The following CENPP variants were observed in gnomAD, a reference collection of about 807,000 sequenced individuals.
CENPP encodes the protein centromere protein P.
Under a neutral mutation model 35.6 loss-of-function variants are expected in CENPP, and 24 were observed. The observed-to-expected ratio is 0.67, with a 90% CI of 0.49 to 0.95. CENPP has a LOEUF of 0.95. Ranked by LOEUF, CENPP falls within the 40% of genes least tolerant of loss-of-function variation. CENPP has a pLI of 0.00. For missense variants in CENPP, 332 were observed against 345.3 expected, an observed-to-expected ratio of 0.96 and a Z score of 0.31; for synonymous variants, 120 against 125.5, an observed-to-expected ratio of 0.96 and a Z score of 0.29.
At chr9:92,569,655 A>G (rs960893345) in intron 5 of CENPP, among the ~76,000 whole-genome samples, 2 of 152,200 alleles carry the variant, frequency 1.3e-5, no homozygotes, top group Non-Finnish European at 2.9e-5. Flanking sequence ...CATTGAATCT[A>G]TAAATTACCT....
chr9:92,588,233 TTTTGTTTG>T (rs757833460), intron 5 of CENPP, among the ~76,000 whole-genome samples: 353 of 151,694 alleles, frequency 2.3e-3, no homozygotes, highest in Non-Finnish European at 2.8e-3. Flanking sequence ...GCTGTGAGTT[TTTTGTTTG>T]TTTGTTTGTT....
At chr9:92,359,520 T>TA (rs1338603196) in intron 4 of CENPP, among the ~76,000 whole-genome samples, 1 of 152,188 alleles carries the variant, frequency 6.6e-6, no homozygotes, top group East Asian at 1.9e-4. Flanking sequence ...TGCAATCTCT[T>TA]ACAGAATCTC....
chr9:92,525,513 C>T (rs1414173798), intron 5 of CENPP, among the ~76,000 whole-genome samples: 1 of 152,150 alleles, frequency 6.6e-6, no homozygotes, highest in South Asian at 2.1e-4. Context: ...CTAGAGACGT[C>T]ACAGCATCAT....
chr9:92,421,832 AG>A (rs1425410080), intron 5 of CENPP, among the ~76,000 whole-genome samples: 2 of 152,120 alleles, frequency 1.3e-5, no homozygotes, highest in African/African-American at 4.8e-5. Context: ...TCTAAGGCAG[AG>A]GGTAATATCC....
At chr9:92,502,639 T>C in intron 5 of CENPP, 3 of 1,585,134 alleles carry the variant, frequency 1.9e-6, no homozygotes, top group Non-Finnish European at 2.6e-6. Flanking sequence ...TTGGTTATTT[T>C]CTAGGTATAA....
chr9:92,557,801 C>T (rs913375006), intron 5 of CENPP, among the ~76,000 whole-genome samples: 66 of 152,044 alleles, frequency 4.3e-4, no homozygotes, highest in African/African-American at 1.5e-3. Context: ...CACCACCACG[C>T]CCGACTAATT....
rs1309091177 is a variant in CENPP at position 92,613,482 on chromosome 9, ATGG to A, written c.*337_*339del. The A allele has an allele frequency of 1.1e-5, 3 of 284,038 alleles. No individual in the cohort carries two copies. The South Asian group carries it at 1.1e-4, about 10-fold the overall frequency. The allele number at this position is 284,038 out of a possible 1,614,324, so 17.6% of individuals were successfully genotyped here. Reference sequence around the variant, plus strand: ...GCCTCACACCGAGTCCACCTTGGACATGGTGGCCACATTACTCAGCTGGGAGAA... The same window carrying A: ...GCCTCACACCGAGTCCACCTTGGACATGGCCACATTACTCAGCTGGGAGAA... On this transcript the variant is annotated 3_prime_UTR_variant, in exon 8 of 8. Coordinates refer to ENST00000375587, the MANE Select transcript of CENPP (RefSeq NM_001012267.3).
At position 92,390,064 on chromosome 9, in the gene CENPP, G is replaced by GAA. The variant is rs775291999; in HGVS notation, c.564+10211_564+10212dup. ...CGAGTCTTCTTAAGTTAGCTAGAGG[G>GAA]AAAAAAATATAAAAAACAACTACGT... On this transcript the variant is annotated intron_variant, in intron 5 of 7. Transcript: ENST00000375587. 13 of 1,499,346 alleles carry GAA rather than the reference G, an allele frequency of 8.7e-6. No individual in the cohort carries two copies. In the Admixed American group the frequency reaches 1.9e-4, roughly 22 times the overall value. 92.9% of individuals were successfully genotyped at this position (1,499,346 alleles called of 1,614,324 possible). A position where few individuals can be genotyped will look rare whatever the true frequency, so the allele number is the denominator to read the frequency against.
At chr9:92,416,123 A>G (rs1451730836) in intron 5 of CENPP, among the ~76,000 whole-genome samples, 1 of 145,714 alleles carries the variant, frequency 6.9e-6, no homozygotes, top group Non-Finnish European at 1.5e-5. Flanking sequence ...TTTTTAAGAC[A>G]GAGTTTTGCT....
chr9:92,573,540 G>A (rs1384522760), intron 5 of CENPP, among the ~76,000 whole-genome samples: 2 of 152,162 alleles, frequency 1.3e-5, no homozygotes, highest in Admixed American at 6.5e-5. Context: ...TAGGCTACTC[G>A]GGGGTCAGGG....
chr9:92,501,168 G>T, intron 5 of CENPP: 1 of 1,032,088 alleles, frequency 9.7e-7, no homozygotes. Flanking sequence ...CACCCAGTTT[G>T]TAGTGATGAT....
Position 92,408,273 on chromosome 9 carries a change from C to T in CENPP, c.564+28414C>T, listed in dbSNP as rs1041326070. Among the ~76,000 whole-genome samples, 4 of 152,160 alleles carry T rather than the reference C, an allele frequency of 2.6e-5. No homozygotes were observed. The South Asian group carries it at 8.3e-4, about 32-fold the overall frequency. ...CGATCTCAGCTCACTGCAACCTCCG[C>T]CTCCCGGGTTTAAGCAATTCTTCTG... On this transcript the variant is annotated intron_variant, in intron 5 of 7. Coordinates refer to ENST00000375587, the MANE Select transcript of CENPP (RefSeq NM_001012267.3).
At chr9:92,505,617 G>C (rs1294645375) in intron 5 of CENPP, 1 of 1,611,234 alleles carries the variant, frequency 6.2e-7, no homozygotes, top group South Asian at 1.1e-5. Flanking sequence ...TCAAAGGTTT[G>C]AAAGCTAAAG....
At position 92,444,271 on chromosome 9, in the gene CENPP, G is replaced by C. The variant is rs77311414; in HGVS notation, c.564+64412G>C. Among the ~76,000 whole-genome samples the C allele has an allele frequency of 3.7e-4, 56 of 152,196 alleles. No homozygotes were observed. In the East Asian group the frequency reaches 0.011, roughly 29 times the overall value. On this transcript the variant is annotated intron_variant, in intron 5 of 7. Coordinates refer to ENST00000375587, the MANE Select transcript of CENPP (RefSeq NM_001012267.3). Reference sequence around the variant, plus strand: ...ATTTTCCATTTCCCTGATGATTAGTGATGCTATCTTTTCATGTGTTTATTT... The same window carrying C: ...ATTTTCCATTTCCCTGATGATTAGTCATGCTATCTTTTCATGTGTTTATTT...
intron 5 of CENPP, among the ~76,000 whole-genome samples, chr9:92,570,660 C>T (rs934276473): frequency 6.6e-6 from 1 of 152,168 alleles, no homozygotes; most frequent in African/African-American, 2.4e-5. Flanking sequence ...ATGGTACCAG[C>T]TCCTCTTTGT....
rs955749831 is a variant in CENPP, at chr9:92,617,899, G to T, written c.*4750G>T. On this transcript the variant is annotated 3_prime_UTR_variant, in exon 8 of 8. Coordinates refer to ENST00000375587, the MANE Select transcript of CENPP (RefSeq NM_001012267.3). ...TTTCCTTTATGACAGGGCAGAAACAGTAGTGCAGAGCTGGAGAAGCCTTTA... is the reference window on the plus strand; with the variant it reads ...TTTCCTTTATGACAGGGCAGAAACATTAGTGCAGAGCTGGAGAAGCCTTTA... 5.7e-5 allele frequency: 14 copies of T among 246,270 alleles called. No individual in the cohort carries two copies. Among genetic ancestry groups the T allele is most frequent in the Non-Finnish European group, 7.3e-5 (9 of 123,950 alleles). The allele number at this position is 246,270 out of a possible 1,614,324, so 15.3% of individuals were successfully genotyped here.
chr9:92,388,876 T>G (rs922078756), intron 5 of CENPP, among the ~76,000 whole-genome samples: 4 of 151,212 alleles, frequency 2.6e-5, no homozygotes, highest in African/African-American at 9.7e-5. Context: ...AAAAGTCCTC[T>G]AAGAGTCCCT....
chr9:92,573,518 G>A (rs1315470746), intron 5 of CENPP, among the ~76,000 whole-genome samples: 1 of 152,208 alleles, frequency 6.6e-6, no homozygotes, highest in Non-Finnish European at 1.5e-5. Flanking sequence ...CTACTTGGAG[G>A]TGTCTCCCAG....
At chr9:92,389,722 T>G in intron 5 of CENPP, 1 of 627,002 alleles carries the variant, frequency 1.6e-6, no homozygotes, top group East Asian at 2.8e-5. Context: ...ATTTATTATG[T>G]AAATAATGTC....
Sources: gnomAD v4.1 joint callset for allele counts (sites outside exome capture counted in the v4.1 genomes callset) on GRCh38, gnomAD v4.1.1 for gene constraint, MANE v1.5 for transcripts, NCBI Gene and HGNC (gene_info 2026-07-23, HGNC 2026-07-21) for gene names.